The following RBFOX1 variants were observed in gnomAD, a reference collection of about 807,000 sequenced individuals.
RBFOX1 encodes the protein RNA binding fox-1 homolog 1.
RBFOX1 carries 8 observed loss-of-function variants against 57.7 expected under a neutral mutation model. The ratio of observed to expected loss-of-function variants is 0.14; its 90% CI spans 0.08 to 0.25. The LOEUF (loss-of-function observed/expected upper bound fraction) is 0.25. Ranked by LOEUF, RBFOX1 falls within the 10% of genes least tolerant of loss-of-function variation. RBFOX1 has a pLI of 1.00. For missense variants in RBFOX1, 611 were observed against 548.5 expected, an observed-to-expected ratio of 1.11 and a Z score of -1.14; for synonymous variants, 326 against 222.4, an observed-to-expected ratio of 1.47 and a Z score of -4.15.
intron 4 of RBFOX1, among the ~76,000 whole-genome samples, chr16:7,448,596 A>G (rs1252342730): frequency 6.6e-6 from 1 of 152,156 alleles, no homozygotes. Flanking sequence ...CATGGGAATT[A>G]TGGGAGCTAC....
intron 3 of RBFOX1, among the ~76,000 whole-genome samples, chr16:7,026,971 T>A (rs1437539214): frequency 2.0e-5 from 3 of 152,148 alleles, no homozygotes; most frequent in African/African-American, 7.2e-5. Context: ...TTGCCCTCTC[T>A]GAAGCATACA....
At chr16:7,071,246 C>G (rs1226987310) in intron 4 of RBFOX1, among the ~76,000 whole-genome samples, 2 of 152,094 alleles carry the variant, frequency 1.3e-5, no homozygotes, top group African/African-American at 2.4e-5. Flanking sequence ...ACATACACCA[C>G]TAGGAGAATA....
At chr16:5,824,502 G>T (rs888189975) in intron 3 of RBFOX1, among the ~76,000 whole-genome samples, 3 of 152,222 alleles carry the variant, frequency 2.0e-5, no homozygotes, top group African/African-American at 7.2e-5. Flanking sequence ...TCATGCAGGG[G>T]GCTGCAGGGT....
chr16:5,920,134 C>A lies in RBFOX1; in HGVS notation c.351+52799C>A, dbSNP rs144231293. 6.3e-3 allele frequency among the ~76,000 whole-genome samples: 959 copies of A among 152,236 alleles called. 10 individuals are homozygous for A. The highest frequency in any genetic ancestry group is 0.022 in the African/African-American group (900 of 41,552). On this transcript the variant is annotated intron_variant, in intron 4 of 19. Transcript: ENST00000641259. ...ATTTTTTGGTAGAGACGGGATTTCA[C>A]CGCGTTAGCCAGGATGGTCTCGATC...
chr16:5,792,951 G>A (rs1432648904), intron 3 of RBFOX1, among the ~76,000 whole-genome samples: 1 of 152,224 alleles, frequency 6.6e-6, no homozygotes, highest in Non-Finnish European at 1.5e-5. Flanking sequence ...AGGCTGAGTA[G>A]GAGGAGGAAG....
intron 3 of RBFOX1, among the ~76,000 whole-genome samples, chr16:5,776,818 T>C (rs903635727): frequency 1.3e-5 from 2 of 152,208 alleles, no homozygotes; most frequent in African/African-American, 4.8e-5. Context: ...AGAACAGCCC[T>C]GTCCAGGAGA....
At chr16:6,021,847 G>A (rs1378369195) in intron 1 of RBFOX1, among the ~76,000 whole-genome samples, 1 of 152,172 alleles carries the variant, frequency 6.6e-6, no homozygotes, top group African/African-American at 2.4e-5. Flanking sequence ...GGGTTTGGGG[G>A]TAAATTACTT....
At chr16:6,872,798 C>G (rs573140038) in intron 3 of RBFOX1, among the ~76,000 whole-genome samples, 64 of 152,184 alleles carry the variant, frequency 4.2e-4, no homozygotes, top group African/African-American at 1.4e-3. Context: ...TGAATTGATG[C>G]CTTCGAACAA....
intron 4 of RBFOX1, among the ~76,000 whole-genome samples, chr16:7,228,554 A>G (rs9635559): frequency 0.28 from 42,697 of 152,110 alleles, 7,563 homozygotes; most frequent in East Asian, 0.67. Flanking sequence ...ACTGAAAACC[A>G]GAGAAGTGAA....
intron 3 of RBFOX1, among the ~76,000 whole-genome samples, chr16:5,694,863 A>C (rs1007327880): frequency 6.6e-6 from 1 of 151,594 alleles, no homozygotes; most frequent in African/African-American, 2.4e-5. Context: ...AAGAGAACAG[A>C]TTTTGGAGAG....
At chr16:6,941,306 CCTTCCT>C (rs2078450376) in intron 3 of RBFOX1, among the ~76,000 whole-genome samples, 23 of 41,714 alleles carry the variant, frequency 5.5e-4, no homozygotes, top group African/African-American at 1.2e-3. Context: ...CTCCCTCCTT[CCTTCCT>C]TCCTTCCTTC....
chr16:6,496,241 A>G lies in RBFOX1; in HGVS notation c.-63-158362A>G, dbSNP rs560503335. ...CCTGCAAATTTAGACTAGATTGTTG[A>G]CATAAATGGTGACAGTGACCACTCT... is the stretch of plus-strand genomic sequence containing the variant. On this transcript the variant is annotated intron_variant, in intron 2 of 15. Transcript: ENST00000550418. Among the ~76,000 whole-genome samples, 48 of 152,306 alleles carry G rather than the reference A, an allele frequency of 3.2e-4. No individual in the cohort carries two copies. The South Asian group carries it at 9.5e-3, about 30-fold the overall frequency.
intron 4 of RBFOX1, among the ~76,000 whole-genome samples, chr16:7,099,694 A>G (rs1238574702): frequency 6.6e-6 from 1 of 152,036 alleles, no homozygotes; most frequent in African/African-American, 2.4e-5. Context: ...TAAGATTTGC[A>G]TTGGTTCTAC....
At chr16:5,624,350 G>T (rs2005604) in intron 3 of RBFOX1, among the ~76,000 whole-genome samples, 1 of 151,966 alleles carries the variant, frequency 6.6e-6, no homozygotes, top group Non-Finnish European at 1.5e-5. Flanking sequence ...ACCTACTACC[G>T]TGCCCAACTA....
intron 3 of RBFOX1, among the ~76,000 whole-genome samples, chr16:6,764,209 A>G (rs1381715640): frequency 1.3e-5 from 2 of 152,136 alleles, no homozygotes; most frequent in Admixed American, 6.5e-5. Context: ...TCTGAACTTC[A>G]TCTCAGTTTT....
chr16:7,494,880 A>C (rs372311204), intron 4 of RBFOX1, among the ~76,000 whole-genome samples: 1 of 92,104 alleles, frequency 1.1e-5, no homozygotes, highest in East Asian at 2.2e-4. Context: ...TTTATTTTAG[A>C]TACAGGAGGT....
intron 4 of RBFOX1, among the ~76,000 whole-genome samples, chr16:7,242,093 A>C (rs139596424): frequency 6.6e-6 from 1 of 152,238 alleles, no homozygotes; most frequent in African/African-American, 2.4e-5. Flanking sequence ...AGTCACCAGG[A>C]ATTTCCAAAT....
chr16:6,901,012 C>A (rs2068342460), intron 3 of RBFOX1, among the ~76,000 whole-genome samples: 1 of 152,150 alleles, frequency 6.6e-6, no homozygotes, highest in South Asian at 2.1e-4. Context: ...TTCCTGATAT[C>A]CCTCCCATTC....
At chr16:6,700,770 A>G (rs1370332656) in intron 3 of RBFOX1, among the ~76,000 whole-genome samples, 2 of 152,186 alleles carry the variant, frequency 1.3e-5, no homozygotes, top group African/African-American at 4.8e-5. Flanking sequence ...TACTACATTT[A>G]CCATGTTATC....
Sources: gnomAD v4.1 joint callset for allele counts (sites outside exome capture counted in the v4.1 genomes callset) on GRCh38, gnomAD v4.1.1 for gene constraint, MANE v1.5 for transcripts, NCBI Gene and HGNC (gene_info 2026-07-23, HGNC 2026-07-21) for gene names.